The following MSN variants were observed in gnomAD, a reference collection of about 807,000 sequenced individuals.
MSN encodes the protein moesin, also known as epididymis luminal protein 70.
A neutral mutation model predicts 48.0 loss-of-function variants in MSN; 2 were observed. That is an observed-to-expected ratio of 0.04 (90% CI 0.02 to 0.13). The LOEUF is 0.13. MSN is among the 10% of genes least tolerant of loss of function. The pLI is 1.00. For synonymous variants in MSN, 146 were observed against 166.9 expected (o/e 0.87, Z 0.97); for missense variants, 267 against 470.1 (o/e 0.57, Z 3.99).
At chrX:65,663,346 G>A (rs1467200757), upstream of MSN, among the ~76,000 whole-genome samples, 1 of 110,071 alleles carries the variant, frequency 9.1e-6, no homozygotes, top group African/African-American at 3.3e-5. Flanking sequence ...AAAAAAAAAT[G>A]CCTATCATCA....
At chrX:65,603,348 A>G (rs866033472) in intron 1 of MSN, among the ~76,000 whole-genome samples, 7 of 111,950 alleles carry the variant, frequency 6.3e-5, no homozygotes, top group African/African-American at 1.3e-4. Flanking sequence ...AAAACACTTT[A>G]CAAATGTTAA....
intron 4 of MSN, 91 bp from the exon 5 acceptor site, chrX:65,731,016 C>T: frequency 1.4e-6 from 1 of 714,339 alleles, no homozygotes; most frequent in Admixed American, 2.9e-5. Flanking sequence ...ATCCTCTTTG[C>T]ATCAGCCCCT....
chrX:65,624,205 A>G (rs765397746), intron 1 of MSN, among the ~76,000 whole-genome samples: 29 of 109,314 alleles, frequency 2.7e-4, no homozygotes, highest in Admixed American at 2.6e-3. Flanking sequence ...CAGCCTCCCA[A>G]GTAGCTGGGA....
chrX:65,733,423 A>T, intron 7 of MSN, 143 bp downstream of exon 7: 1 of 483,193 alleles, frequency 2.1e-6, no homozygotes, highest in Non-Finnish European at 3.6e-6. Flanking sequence ...GGAAGCACAA[A>T]TAGAGATTGG....
intron 1 of MSN, among the ~76,000 whole-genome samples, chrX:65,695,330 G>A (rs951409211): frequency 3.7e-5 from 4 of 109,126 alleles, no homozygotes; most frequent in Admixed American, 9.8e-5. Context: ...GTGAAACCCC[G>A]TCTCTACTAA....
At chrX:65,633,601 AAAACTTTG>A (rs2070575703) in intron 1 of MSN, among the ~76,000 whole-genome samples, 1 of 111,586 alleles carries the variant, frequency 9.0e-6, no homozygotes, top group African/African-American at 3.3e-5. Flanking sequence ...TGAAATTCAG[AAAACTTTG>A]GCCTGATAAG....
intron 1 of MSN, among the ~76,000 whole-genome samples, chrX:65,716,317 C>A (rs2071464116): frequency 9.0e-6 from 1 of 111,300 alleles, no homozygotes; most frequent in South Asian, 3.8e-4. Flanking sequence ...GCTCTGTTGC[C>A]CAGGTTGGAG....
At chrX:65,704,419 A>G (rs778932714) in intron 1 of MSN, among the ~76,000 whole-genome samples, 1 of 111,816 alleles carries the variant, frequency 8.9e-6, no homozygotes, top group Non-Finnish European at 1.9e-5. Context: ...AGTCTTGGCT[A>G]TGCCTATTAC....
chrX:65,694,408 C>T (rs911104012), intron 1 of MSN, among the ~76,000 whole-genome samples: 1 of 109,585 alleles, frequency 9.1e-6, no homozygotes, highest in Non-Finnish European at 1.9e-5. Context: ...CCGCTCACTG[C>T]AGCCTTTGCC....
intron 1 of MSN, among the ~76,000 whole-genome samples, chrX:65,615,207 T>C (rs1363364719): frequency 9.1e-6 from 1 of 109,999 alleles, no homozygotes; most frequent in Non-Finnish European, 1.9e-5. Context: ...TATAGTCCTT[T>C]GGGTATATAC....
At chrX:65,614,696 A>ATTTTTTCTTTTTTTTTTTTATTTT (rs2070351890) in intron 1 of MSN, among the ~76,000 whole-genome samples, 1 of 73,264 alleles carries the variant, frequency 1.4e-5, no homozygotes, top group Non-Finnish European at 2.5e-5. Context: ...TTATTTATTT[A>ATTTTTTCTTTTTTTTTTTTATTTT]TTTTTTCTTT....
chrX:65,621,738 A>T (rs1407923315), intron 1 of MSN, among the ~76,000 whole-genome samples: 1 of 112,527 alleles, frequency 8.9e-6, no homozygotes, highest in Non-Finnish European at 1.9e-5. Flanking sequence ...TTTTAAAAAA[A>T]TATTAAGCCT....
chrX:65,603,105 C>T lies in MSN; in HGVS notation c.-22+14493C>T, dbSNP rs183799134. Among the ~76,000 whole-genome samples the T allele has an allele frequency of 4.4e-3, 493 of 111,737 alleles. 2 individuals carry two copies. Among genetic ancestry groups the T allele is most frequent in the African/African-American group, 0.014 (419 of 30,732 alleles). On this transcript the variant is annotated intron_variant, in intron 1 of 3. Transcript: ENST00000609672. ...CATCTGGAGTTCTAGACCAGCCTGG[C>T]GAACATGGTGAAACCTCGTCTCTAC...
chrX:65,648,256 T>G (rs5964448), intron 1 of MSN, among the ~76,000 whole-genome samples: 26,441 of 111,525 alleles, frequency 0.24, 7,498 homozygotes, highest in African/African-American at 0.82. Flanking sequence ...ACTCATGCAT[T>G]TAATCCCAAC....
intron 1 of MSN, among the ~76,000 whole-genome samples, chrX:65,641,550 GTATATATATATATATATATATATA>G (rs1168302693): frequency 0.013 from 198 of 15,386 alleles, 6 homozygotes; most frequent in African/African-American, 0.035. Flanking sequence ...AAAAAGTGAA[GTATATATATATATATATATATATA>G]TATATATATA....
intron 1 of MSN, among the ~76,000 whole-genome samples, chrX:65,634,498 A>C (rs1330257747): frequency 9.0e-6 from 1 of 110,812 alleles, no homozygotes; most frequent in Non-Finnish European, 1.9e-5. Context: ...CTGTCATCCC[A>C]GCCACTCGGG....
intron 2 of MSN, among the ~76,000 whole-genome samples, chrX:65,719,585 G>A (rs913623732): frequency 8.1e-5 from 9 of 111,701 alleles, no homozygotes; most frequent in African/African-American, 2.3e-4. Context: ...GAACACATAG[G>A]CTTTTGGGCC....
chrX:65,640,966 G>A (rs1414833000), intron 1 of MSN, among the ~76,000 whole-genome samples: 1 of 110,338 alleles, frequency 9.1e-6, no homozygotes, highest in Non-Finnish European at 1.9e-5. Flanking sequence ...AAAATTAGCT[G>A]GGCGTGGTGG....
intron 7 of MSN, 100 bp downstream of exon 7, chrX:65,733,380 G>A: frequency 3.2e-6 from 2 of 627,412 alleles, no homozygotes; most frequent in Admixed American, 5.3e-5. Flanking sequence ...TGATGTGTTT[G>A]TGTGTACGTG....
Sources: allele counts gnomAD v4.1 joint callset (sites outside exome capture counted in the v4.1 genomes callset), GRCh38; gene constraint gnomAD v4.1.1; transcripts MANE v1.5; gene names NCBI Gene and HGNC (gene_info 2026-07-23, HGNC 2026-07-21).